Variants in GATAD2B observed in about 807,000 individuals in gnomAD.
GATAD2B encodes the protein transcriptional repressor p66-beta.
GATAD2B carries 8 observed loss-of-function variants against 64.3 expected under a neutral mutation model. The ratio of observed to expected loss-of-function variants is 0.12; its 90% CI spans 0.07 to 0.22. The LOEUF is 0.22. Among genes scored for constraint, GATAD2B ranks in the 10% least tolerant of loss-of-function variants. The pLI, the probability that GATAD2B is intolerant of heterozygous loss-of-function variation, is 1.00. For missense variants in GATAD2B, 453 were observed against 752.0 expected (o/e 0.60, Z 4.65); for synonymous variants, 281 against 271.3 (o/e 1.04, Z -0.35).
intron 1 of GATAD2B, among the ~76,000 whole-genome samples, chr1:153,881,420 T>C (rs1048424713): frequency 6.6e-5 from 10 of 152,214 alleles, no homozygotes; most frequent in Middle Eastern, 3.2e-3. Context: ...CTTACCATTA[T>C]AGCAAATGGA....
intron 1 of GATAD2B, among the ~76,000 whole-genome samples, chr1:153,861,327 G>A (rs938297090): frequency 6.6e-6 from 1 of 151,898 alleles, no homozygotes; most frequent in Non-Finnish European, 1.5e-5. Flanking sequence ...CAACGCAGGA[G>A]GATCACTTAA....
chr1:153,894,205 C>T (rs776141502), intron 1 of GATAD2B, among the ~76,000 whole-genome samples: 4 of 151,840 alleles, frequency 2.6e-5, no homozygotes, highest in Non-Finnish European at 1.5e-5. Context: ...ATGTGGCTTA[C>T]GCTTGTAATC....
rs71093286 is a variant in GATAD2B at position 153,816,059 on chromosome 1, AACACAC to A, written c.1216+208_1216+213del. Among the ~76,000 whole-genome samples, 51,422 of 141,662 alleles carry A rather than the reference AACACAC, an allele frequency of 0.36. 9,356 individuals are homozygous for A. Among genetic ancestry groups the A allele is most frequent in the Non-Finnish European group, 0.41 (26,989 of 65,736 alleles). 92.9% of individuals were successfully genotyped at this position (141,662 alleles called of 152,430 possible). ...CAGAGCGAGACTGCATCTCAAACAA[AACACAC>A]ACACACACACACACACACACACACA... On this transcript the variant is annotated intron_variant, in intron 7 of 10. Coordinates refer to ENST00000368655, the MANE Select transcript of GATAD2B (RefSeq NM_020699.4). This position sits in a 1 kb window ranked among gnomAD's most constrained non-coding sequence, Gnocchi z 4.9.
chr1:153,819,061 C>A, intron 3 of GATAD2B, 139 bp from the exon 4 acceptor site: 1 of 831,086 alleles, frequency 1.2e-6, no homozygotes, highest in Non-Finnish European at 1.8e-6. Context: ...ATCTTTGTAT[C>A]ACTGGAGTCT....
At chr1:153,860,189 A>G (rs1200791367) in intron 1 of GATAD2B, among the ~76,000 whole-genome samples, 1 of 151,500 alleles carries the variant, frequency 6.6e-6, no homozygotes, top group Non-Finnish European at 1.5e-5. Context: ...TGCTGGGATT[A>G]CAGGTGTGAG....
intron 1 of GATAD2B, among the ~76,000 whole-genome samples, chr1:153,921,331 A>G (rs760070178): frequency 2.0e-5 from 3 of 152,246 alleles, no homozygotes; most frequent in Non-Finnish European, 4.4e-5. Flanking sequence ...AAGGAAGCTT[A>G]CTTTTCACTT....
chr1:153,842,536 AATC>A (rs1291990593), intron 1 of GATAD2B, among the ~76,000 whole-genome samples: 9 of 123,192 alleles, frequency 7.3e-5, no homozygotes, highest in East Asian at 3.9e-4. Flanking sequence ...ATATACATGT[AATC>A]ATTAATAATA....
At chr1:153,884,385 G>C (rs1345102986) in intron 1 of GATAD2B, among the ~76,000 whole-genome samples, 2 of 152,156 alleles carry the variant, frequency 1.3e-5, no homozygotes, top group Non-Finnish European at 2.9e-5. Flanking sequence ...AGAGCTTGCA[G>C]TGAGCTGAGA....
At chr1:153,916,277 GAAAAAAAAAA>G (rs200305010) in intron 1 of GATAD2B, among the ~76,000 whole-genome samples, 1 of 92,606 alleles carries the variant, frequency 1.1e-5, no homozygotes, top group Non-Finnish European at 2.2e-5. Flanking sequence ...TCCACCTCAA[GAAAAAAAAAA>G]AAAAAAGAAA....
intron 1 of GATAD2B, among the ~76,000 whole-genome samples, chr1:153,870,730 T>C (rs183013543): frequency 8.9e-4 from 135 of 152,316 alleles, no homozygotes; most frequent in Non-Finnish European, 1.5e-3. Context: ...AAATCAATTT[T>C]GTGTTTAGGC....
chr1:153,826,940 T>TAAAAA (rs35916476), intron 2 of GATAD2B, among the ~76,000 whole-genome samples: 1 of 137,350 alleles, frequency 7.3e-6, no homozygotes. Flanking sequence ...GACCCTATCT[T>TAAAAA]AAAAAAAAAA....
At chr1:153,852,109 T>C (rs1412650746) in intron 1 of GATAD2B, 10 of 625,492 alleles carry the variant, frequency 1.6e-5, no homozygotes, top group African/African-American at 1.3e-4. Context: ...TTAATGAGTT[T>C]TGTGCTCAGA....
intron 1 of GATAD2B, among the ~76,000 whole-genome samples, chr1:153,887,130 A>T (rs1040460250): frequency 6.6e-6 from 1 of 152,168 alleles, no homozygotes; most frequent in Non-Finnish European, 1.5e-5. Flanking sequence ...AAAAAGTTAC[A>T]TTTTTTCTTC....
chr1:153,921,486 T>C (rs78542912), intron 1 of GATAD2B, among the ~76,000 whole-genome samples: 1 of 152,322 alleles, frequency 6.6e-6, no homozygotes, highest in African/African-American at 2.4e-5. Context: ...AATCCCTCTT[T>C]TGCAGTCTGG....
intron 1 of GATAD2B, among the ~76,000 whole-genome samples, chr1:153,837,287 T>C (rs1228274194): frequency 2.0e-5 from 3 of 151,456 alleles, no homozygotes; most frequent in Non-Finnish European, 4.4e-5. Flanking sequence ...TGTCAGGAGT[T>C]GAAGACTAGC....
chr1:153,827,676 A>G (rs963752649), intron 2 of GATAD2B: 1 of 247,696 alleles, frequency 4.0e-6, no homozygotes, highest in African/African-American at 2.2e-5. Context: ...TCTGACAAAA[A>G]GACTATTTTT....
At chr1:153,852,961 C>A in intron 1 of GATAD2B, 1 of 903,530 alleles carries the variant, frequency 1.1e-6, no homozygotes, top group African/African-American at 1.6e-5. Flanking sequence ...GCCACTGACA[C>A]AGACTTGGGT....
At chr1:153,885,436 A>G (rs1227994247) in intron 1 of GATAD2B, among the ~76,000 whole-genome samples, 1 of 152,096 alleles carries the variant, frequency 6.6e-6, no homozygotes, top group African/African-American at 2.4e-5. Flanking sequence ...AATTTTAAAA[A>G]AGGGGCTGGG....
At chr1:153,917,655 A>C (rs1678314331) in intron 1 of GATAD2B, among the ~76,000 whole-genome samples, 1 of 152,132 alleles carries the variant, frequency 6.6e-6, no homozygotes, top group Non-Finnish European at 1.5e-5. Context: ...TCAGCCTCCC[A>C]AAGTGCTGGG....
Sources: allele counts gnomAD v4.1 joint callset (sites outside exome capture counted in the v4.1 genomes callset), GRCh38; gene constraint gnomAD v4.1.1; non-coding constraint Gnocchi (gnomAD v3.1); transcripts MANE v1.5; gene names NCBI Gene and HGNC (gene_info 2026-07-23, HGNC 2026-07-21).